Variants in ANKRD36C observed in about 807,000 individuals in gnomAD.
The protein encoded by ANKRD36C is ankyrin repeat domain-containing protein 36C.
In ANKRD36C, 61 loss-of-function variants were observed where a neutral mutation model predicts 276.4. That is an observed-to-expected ratio of 0.22 (90% CI 0.18 to 0.27). The LOEUF is 0.27. Ranked by LOEUF, ANKRD36C falls within the 10% of genes least tolerant of loss-of-function variation. The pLI, the probability that ANKRD36C is intolerant of heterozygous loss-of-function variation, is 1.00. For missense variants in ANKRD36C, 1,447 were observed against 2,032.3 expected, an observed-to-expected ratio of 0.71 and a Z score of 5.54; for synonymous variants, 483 against 680.1, an observed-to-expected ratio of 0.71 and a Z score of 4.51.
At position 95,921,062 on chromosome 2, in the gene ANKRD36C, T is replaced by A. The variant is rs538609068; in HGVS notation, c.2245+545A>T. ...TATTCCAAATGCATGTGAAGTGAGT[T>A]CACTCAGATTTCCTCAGCAGAAACC... On this transcript the variant is annotated intron_variant, in intron 34 of 66. Coordinates refer to ENST00000456556, the Ensembl canonical transcript of ANKRD36C. 4.9e-4 allele frequency among the ~76,000 whole-genome samples: 74 copies of A among 150,556 alleles called. 3 individuals are homozygous for A. Among genetic ancestry groups the A allele is most frequent in the African/African-American group, 1.7e-3 (68 of 40,438 alleles).
At position 95,962,335 on chromosome 2, in the gene ANKRD36C, T is replaced by C. The variant is rs1305074293; in HGVS notation, c.901+17A>G. The C allele has an allele frequency of 1.3e-6, 2 of 1,550,218 alleles. No individual in the cohort carries two copies. The highest frequency in any genetic ancestry group is 1.7e-6 in the Non-Finnish European group (2 of 1,146,802). ...TATCCTGAGTGAACATGACATTAGA[T>C]GTGTATTCCAAAATACCTGTCCCAG... On this transcript the variant is annotated intron_variant, in intron 8 of 66. Coordinates refer to ENST00000456556, the Ensembl canonical transcript of ANKRD36C.
intron 38 of ANKRD36C, among the ~76,000 whole-genome samples, chr2:95,914,997 T>C (rs894939256): frequency 6.6e-6 from 1 of 151,556 alleles, no homozygotes; most frequent in Non-Finnish European, 1.5e-5. Context: ...TCAATAAAAA[T>C]ATCATCCATT....
intron 42 of ANKRD36C, among the ~76,000 whole-genome samples, chr2:95,908,070 T>C (rs1457319964): frequency 6.6e-6 from 1 of 150,894 alleles, no homozygotes; most frequent in Non-Finnish European, 1.5e-5. Context: ...AAATAGTTGC[T>C]ACACCAGGGG....
rs1224109571 is a variant in ANKRD36C, at chr2:95,963,998, T to TATAA, written c.800-1452_800-1451insTTAT. Among the ~76,000 whole-genome samples, 31 of 14,798 alleles carry TATAA rather than the reference T, an allele frequency of 2.1e-3. 1 individual carries two copies. In the South Asian group the frequency reaches 0.044, roughly 21 times the overall value. The allele number at this position is 14,798 out of a possible 152,430, so 9.7% of individuals were successfully genotyped here. On this transcript the variant is annotated intron_variant, in intron 6 of 66. Coordinates refer to ENST00000456556, the Ensembl canonical transcript of ANKRD36C. ...ATATATATATATATATATATATATA[T>TATAA]ATATATATATATATATGTGTGTGTG...
chr2:95,967,648 G>GGT (rs751581051), intron 6 of ANKRD36C, among the ~76,000 whole-genome samples: 133 of 151,268 alleles, frequency 8.8e-4, no homozygotes, highest in East Asian at 4.3e-3. Flanking sequence ...GCATATACTC[G>GGT]GTGTGTGTGT....
At chr2:95,873,612 G>T (rs1358859924) in intron 59 of ANKRD36C, among the ~76,000 whole-genome samples, 1 of 151,280 alleles carries the variant, frequency 6.6e-6, no homozygotes, top group Admixed American at 6.6e-5. Flanking sequence ...TGGCACAAGA[G>T]GGCACAAGAC....
intron 19 of ANKRD36C, among the ~76,000 whole-genome samples, chr2:95,942,210 A>G (rs1158460331): frequency 0.014 from 1,792 of 124,576 alleles, no homozygotes; most frequent in African/African-American, 0.061. Flanking sequence ...AAAATATACT[A>G]AACTGGTAGG....
At chr2:95,903,412 G>A (rs1268459360) in intron 42 of ANKRD36C, among the ~76,000 whole-genome samples, 3 of 150,680 alleles carry the variant, frequency 2.0e-5, no homozygotes, top group African/African-American at 7.3e-5. Flanking sequence ...ATACACCTGA[G>A]AATCAATGTC....
intron 36 of ANKRD36C, 22 bp from the exon 39 acceptor site, chr2:95,916,193 T>C: frequency 6.2e-7 from 1 of 1,603,432 alleles, no homozygotes; most frequent in South Asian, 1.1e-5. Flanking sequence ...AAGGGACACG[T>C]AATCACTCAC....
In ANKRD36C at chr2:95,939,148, G is replaced by A. The variant is rs548797161; in HGVS notation, c.1532-133C>T. Reference sequence around the variant, plus strand: ...ATTGTTACCCATTAGGCTTTGGGTTGTTTTGCTCTTGTTTTGGTTAGCACA... The same window carrying A: ...ATTGTTACCCATTAGGCTTTGGGTTATTTTGCTCTTGTTTTGGTTAGCACA... On this transcript the variant is annotated intron_variant, in intron 20 of 66. Coordinates refer to ENST00000456556, the Ensembl canonical transcript of ANKRD36C. 3.4e-6 allele frequency: 5 copies of A among 1,469,806 alleles called. No homozygotes were observed. The Admixed American group carries it at 1.2e-4, about 37-fold the overall frequency. The allele number at this position is 1,469,806 out of a possible 1,614,324, so 91.0% of individuals were successfully genotyped here.
At chr2:95,983,461 C>T (rs1283593548) in intron 3 of ANKRD36C, among the ~76,000 whole-genome samples, 1 of 151,490 alleles carries the variant, frequency 6.6e-6, no homozygotes, top group Admixed American at 6.6e-5. Context: ...TCTTACCTAA[C>T]TTTTTTTATT....
At chr2:95,986,187 AG>A (rs1251233010) in intron 3 of ANKRD36C, among the ~76,000 whole-genome samples, 1 of 151,946 alleles carries the variant, frequency 6.6e-6, no homozygotes, top group East Asian at 1.9e-4. Flanking sequence ...CACTCTCCAC[AG>A]TATTTTCCCT....
chr2:95,914,915 C>T (rs34160124), intron 38 of ANKRD36C, among the ~76,000 whole-genome samples: 297 of 151,562 alleles, frequency 2.0e-3, no homozygotes, highest in Middle Eastern at 0.014. Context: ...GCTTAAGTTT[C>T]TTTCATCCAC....
chr2:95,915,448 T>A (rs1164084694), intron 38 of ANKRD36C, among the ~76,000 whole-genome samples: 2 of 151,450 alleles, frequency 1.3e-5, no homozygotes, highest in Non-Finnish European at 3.0e-5. Flanking sequence ...TGAAGTGAGT[T>A]CACTCAGGTT....
intron 42 of ANKRD36C, 143 bp downstream of exon 44, chr2:95,912,101 A>C (rs1304513106): frequency 1.1e-5 from 13 of 1,223,910 alleles, no homozygotes; most frequent in Non-Finnish European, 1.5e-5. Flanking sequence ...CATCAGCATA[A>C]CCCAAGAACT....
exon 28 of ANKRD36C, chr2:95,927,270 T>C (rs372116895): frequency 5.0e-6 from 8 of 1,610,142 alleles, no homozygotes; most frequent in Non-Finnish European, 6.8e-6. Context: ...AACAGAATCT[T>C]TCTCATCACT....
At chr2:95,915,009 T>C (rs1172568809) in intron 38 of ANKRD36C, among the ~76,000 whole-genome samples, 2 of 151,578 alleles carry the variant, frequency 1.3e-5, no homozygotes, top group Non-Finnish European at 3.0e-5. Context: ...TCATCCATTA[T>C]CAATTTTGAC....
chr2:95,978,590 T>C (rs1678858196), intron 5 of ANKRD36C, among the ~76,000 whole-genome samples: 1 of 152,148 alleles, frequency 6.6e-6, no homozygotes, highest in African/African-American at 2.4e-5. Flanking sequence ...GTAGCATTTT[T>C]AACATTCACA....
At chr2:95,852,617 GAT>G (rs1475074065) in intron 64 of ANKRD36C, 1 of 163,372 alleles carries the variant, frequency 6.1e-6, no homozygotes, top group Non-Finnish European at 1.3e-5. Flanking sequence ...AATGTGGAAA[GAT>G]AAAGGATTAC....
Sources: gnomAD v4.1 joint callset for allele counts (sites outside exome capture counted in the v4.1 genomes callset) on GRCh38, gnomAD v4.1.1 for gene constraint, MANE v1.5 for transcripts, NCBI Gene and HGNC (gene_info 2026-07-23, HGNC 2026-07-21) for gene names.